SELENOT: variants seen among roughly 807,000 people sequenced by gnomAD.
SELENOT encodes the protein thioredoxin reductase-like selenoprotein T.
In SELENOT, 9 loss-of-function variants were observed where a neutral mutation model predicts 24.3. The observed-to-expected ratio is 0.37, with a 90% CI of 0.22 to 0.65. SELENOT has a LOEUF of 0.65. SELENOT is among the 30% of genes least tolerant of loss of function. The pLI, the probability that SELENOT is intolerant of heterozygous loss-of-function variation, is 0.60. For synonymous variants in SELENOT, 81 were observed against 86.0 expected (o/e 0.94, Z 0.32); for missense variants, 166 against 247.6 (o/e 0.67, Z 2.21).
chr3:150,611,647 T>C, intron 1 of SELENOT: 1 of 1,591,478 alleles, frequency 6.3e-7, no homozygotes, highest in South Asian at 1.1e-5. Context: ...GATATGCTCT[T>C]CTGGATCCTC....
chr3:150,626,911 A>C, intron 4 of SELENOT, 99 bp from the exon 5 acceptor site: 1 of 1,242,770 alleles, frequency 8.0e-7, no homozygotes, highest in Non-Finnish European at 1.1e-6. Flanking sequence ...CTACTTTTGT[A>C]TCCCAGTTGT....
At chr3:150,622,690 C>T (rs774544102) in intron 2 of SELENOT, among the ~76,000 whole-genome samples, 195 bp downstream of exon 2, 11 of 151,944 alleles carry the variant, frequency 7.2e-5, no homozygotes, top group Non-Finnish European at 1.5e-4. Flanking sequence ...GGAAGAGGGT[C>T]GTTTCAGAGA....
chr3:150,613,669 T>TTC (rs1341319187), intron 1 of SELENOT, among the ~76,000 whole-genome samples: 5 of 143,512 alleles, frequency 3.5e-5, no homozygotes, highest in African/African-American at 1.3e-4. Flanking sequence ...TGGGAACTTT[T>TTC]TTTTTTTTTT....
chr3:150,603,600 G>C, intron 1 of SELENOT, 101 bp downstream of exon 1: 1 of 1,336,908 alleles, frequency 7.5e-7, no homozygotes, highest in Non-Finnish European at 1.0e-6. Flanking sequence ...CCGCATCTTC[G>C]CTGGCCTCGT....
At chr3:150,604,748 C>G (rs1040026504) in intron 1 of SELENOT, among the ~76,000 whole-genome samples, 6 of 152,084 alleles carry the variant, frequency 3.9e-5, no homozygotes, top group Admixed American at 3.9e-4. Flanking sequence ...TGATTAAAAA[C>G]AAACAAGGCC....
At chr3:150,606,749 C>T (rs1219354987) in intron 1 of SELENOT, among the ~76,000 whole-genome samples, 8 of 152,052 alleles carry the variant, frequency 5.3e-5, no homozygotes, top group African/African-American at 1.5e-4. Flanking sequence ...TGCACCACCA[C>T]GCCTGGCTAA....
intron 1 of SELENOT, among the ~76,000 whole-genome samples, chr3:150,617,750 T>A (rs72616686): frequency 0.22 from 32,598 of 151,598 alleles, 3,827 homozygotes; most frequent in East Asian, 0.47. Context: ...AGCTACTACT[T>A]GTGTAGTGTT....
intron 1 of SELENOT, among the ~76,000 whole-genome samples, chr3:150,617,076 T>C (rs1726235138): frequency 6.6e-6 from 1 of 152,234 alleles, no homozygotes; most frequent in African/African-American, 2.4e-5. Context: ...GCTATGGGCA[T>C]GTGGTGGTAA....
At chr3:150,607,958 A>G (rs1032618830) in intron 1 of SELENOT, among the ~76,000 whole-genome samples, 1 of 152,184 alleles carries the variant, frequency 6.6e-6, no homozygotes, top group Admixed American at 6.5e-5. Context: ...GGCAAGAGAT[A>G]ATGGAACTTG....
intron 2 of SELENOT, among the ~76,000 whole-genome samples, chr3:150,622,719 T>C (rs1726369147): frequency 6.6e-6 from 1 of 152,142 alleles, no homozygotes; most frequent in Non-Finnish European, 1.5e-5. Context: ...CTTCTAAAGA[T>C]GTGTTTTCAT....
chr3:150,604,727 G>A (rs1007244027), intron 1 of SELENOT, among the ~76,000 whole-genome samples: 1 of 152,120 alleles, frequency 6.6e-6, no homozygotes, highest in Non-Finnish European at 1.5e-5. Context: ...CTAAAACATT[G>A]CAATTTCTCC....
intron 1 of SELENOT, chr3:150,611,809 G>C: frequency 1.0e-6 from 1 of 996,946 alleles, no homozygotes; most frequent in African/African-American, 1.6e-5. Context: ...TTTCCCGGAC[G>C]AGGCACTGGC....
At position 150,622,451 on chromosome 3, in the gene SELENOT, C is replaced by A; in HGVS notation, c.204C>A (p.Asp68Glu). 1 of 1,503,822 alleles carries A rather than the reference C, an allele frequency of 6.6e-7. No individual in the cohort carries two copies. The highest frequency in any genetic ancestry group is 8.9e-7 in the Non-Finnish European group (1 of 1,117,558). The allele number at this position is 1,503,822 out of a possible 1,614,324, so 93.2% of individuals were successfully genotyped here. Residue 68 changes from aspartate (D) to glutamate (E), a missense_variant, in exon 2 of 6, where the codon GAC (aspartate) becomes GAA (glutamate). Physicochemically the swap from Asp to Glu is conservative, Grantham distance 45. Coordinates refer to ENST00000471696, the MANE Select transcript of SELENOT (RefSeq NM_016275.5). ...GGGTTATTAGCCAGCGGTACCCAGACATCCGCATTGAAGGAGAGAATTACC... is the reference window on the plus strand; with the variant it reads ...GGGTTATTAGCCAGCGGTACCCAGAAATCCGCATTGAAGGAGAGAATTACC... ...YMRVISQRYP[D>E]IRIEGENYLP...
intron 1 of SELENOT, among the ~76,000 whole-genome samples, chr3:150,605,684 C>G (rs1368388222): frequency 6.6e-6 from 1 of 151,796 alleles, no homozygotes; most frequent in Non-Finnish European, 1.5e-5. Flanking sequence ...TTAATAAGAC[C>G]CACCAAATAC....
chr3:150,625,681 A>G (rs1227183604), intron 4 of SELENOT, among the ~76,000 whole-genome samples: 1 of 152,180 alleles, frequency 6.6e-6, no homozygotes. Context: ...AACTATATGA[A>G]ATTCCAACTT....
At chr3:150,621,978 T>G (rs1726354561) in intron 1 of SELENOT, among the ~76,000 whole-genome samples, 2 of 152,122 alleles carry the variant, frequency 1.3e-5, no homozygotes, top group Non-Finnish European at 2.9e-5. Context: ...TAAGAATTGT[T>G]TTCATTTCAC....
intron 1 of SELENOT, among the ~76,000 whole-genome samples, chr3:150,604,073 G>C (rs116085414): frequency 3.3e-4 from 50 of 152,304 alleles, no homozygotes; most frequent in African/African-American, 1.1e-3. Flanking sequence ...TGGAGGGGGT[G>C]GAAGGAAGGT....
At chr3:150,610,939 G>A (rs1726072052) in intron 1 of SELENOT, among the ~76,000 whole-genome samples, 1 of 151,986 alleles carries the variant, frequency 6.6e-6, no homozygotes, top group African/African-American at 2.4e-5. Flanking sequence ...TTGTTGGTCA[G>A]TGAGAGAGCT....
chr3:150,612,023 G>C (rs1726106900), intron 1 of SELENOT: 1 of 489,162 alleles, frequency 2.0e-6, no homozygotes, highest in East Asian at 4.2e-5. Context: ...ACAGTGGACA[G>C]TGCCGAGGGC....
Sources: allele counts gnomAD v4.1 joint callset (sites outside exome capture counted in the v4.1 genomes callset), GRCh38; gene constraint gnomAD v4.1.1; transcripts MANE v1.5; gene names NCBI Gene and HGNC (gene_info 2026-07-23, HGNC 2026-07-21).